COL22A1: variants seen among roughly 807,000 people sequenced by gnomAD.
COL22A1 encodes collagen alpha-1(XXII) chain.
COL22A1 carries 221 observed loss-of-function variants against 248.9 expected under a neutral mutation model. That is an observed-to-expected ratio of 0.89 (90% CI 0.80 to 0.99). COL22A1 has a LOEUF of 0.99. Among genes scored for constraint, COL22A1 ranks in the 50% least tolerant of loss-of-function variants. The probability of loss-of-function intolerance (pLI) is 0.00; values close to 1 mark genes in which losing one functional copy is unlikely to be tolerated. For missense variants in COL22A1, 2,240 were observed against 2,179.0 expected, an observed-to-expected ratio of 1.03 and a Z score of -0.56; for synonymous variants, 891 against 793.4, an observed-to-expected ratio of 1.12 and a Z score of -2.07.
intron 2 of COL22A1, among the ~76,000 whole-genome samples, chr8:138,879,357 C>T (rs1015398312): frequency 1.3e-5 from 2 of 152,118 alleles, no homozygotes; most frequent in African/African-American, 4.8e-5. Flanking sequence ...GTTTTCCAAT[C>T]TCTAGAATGC....
At chr8:138,813,068 C>A in intron 7 of COL22A1, 49 bp from the exon 8 acceptor site, 2 of 1,447,548 alleles carry the variant, frequency 1.4e-6, no homozygotes, top group Non-Finnish European at 1.9e-6. Context: ...ACTTTGGAAC[C>A]CAGAAACCTC....
rs1454754791 is a variant in COL22A1 at position 138,631,974 on chromosome 8, C to T, written c.3610-1226G>A. Among the ~76,000 whole-genome samples, 3 of 152,232 alleles carry T rather than the reference C, an allele frequency of 2.0e-5. No homozygotes were observed. The East Asian group carries it at 5.8e-4, about 29-fold the overall frequency. ...TGGGATATAGTAAATAATCAATATT[C>T]TTGAATAAATGAATGAATTAGAAGT... On this transcript the variant is annotated intron_variant, in intron 49 of 64. Coordinates refer to ENST00000303045, the MANE Select transcript of COL22A1 (RefSeq NM_152888.3).
At chr8:138,794,452 A>T (rs986115540) in intron 12 of COL22A1, among the ~76,000 whole-genome samples, 1 of 152,148 alleles carries the variant, frequency 6.6e-6, no homozygotes, top group Non-Finnish European at 1.5e-5. Context: ...CACTGTGGAA[A>T]ACAGTATGGT....
At chr8:138,690,608 G>A (rs539080587) in intron 36 of COL22A1, among the ~76,000 whole-genome samples, 164 of 152,260 alleles carry the variant, frequency 1.1e-3, no homozygotes, top group Middle Eastern at 0.01. Context: ...GCCAACAGCT[G>A]CGTTTACCCT....
At chr8:138,749,358 T>A (rs540476469) in intron 22 of COL22A1, among the ~76,000 whole-genome samples, 39 of 152,346 alleles carry the variant, frequency 2.6e-4, no homozygotes, top group Admixed American at 5.2e-4. Context: ...ATGTAGATTT[T>A]AAAAACCTTC....
intron 59 of COL22A1, among the ~76,000 whole-genome samples, chr8:138,602,784 C>T (rs896073112): frequency 5.9e-5 from 9 of 152,340 alleles, no homozygotes; most frequent in Middle Eastern, 3.4e-3. Flanking sequence ...ATTGTCTCCA[C>T]CTGGAATGTC....
rs184917149 is a variant in COL22A1 at position 138,755,032 on chromosome 8, A to G, written c.2031+125T>C. 3.2e-6 allele frequency: 3 copies of G among 925,004 alleles called. No homozygotes were observed. In the East Asian group the frequency reaches 7.3e-5, roughly 23 times the overall value. The allele number at this position is 925,004 out of a possible 1,614,324, so 57.3% of individuals were successfully genotyped here. ...AGACGTGACCACAACAGCACAACCC[A>G]CTCAGGTGATGTGAAGGCGCTTGAG... is the stretch of plus-strand genomic sequence containing the variant. On this transcript the variant is annotated intron_variant, in intron 21 of 64. Transcript: ENST00000303045.
intron 44 of COL22A1, 147 bp from the exon 45 acceptor site, chr8:138,656,091 T>C (rs1587781084): frequency 4.5e-6 from 3 of 663,226 alleles, no homozygotes; most frequent in South Asian, 1.8e-5. Flanking sequence ...CCAGTGGATG[T>C]CCCAAGCCTG....
intron 5 of COL22A1, among the ~76,000 whole-genome samples, chr8:138,831,080 T>A (rs1205956350): frequency 6.6e-6 from 1 of 152,166 alleles, no homozygotes; most frequent in Non-Finnish European, 1.5e-5. Flanking sequence ...CATTTCTTCT[T>A]CTGTAGAATC....
chr8:138,634,016 T>C lies in COL22A1; in HGVS notation c.3609+994A>G, dbSNP rs148805741. The stretch of plus-strand genomic sequence containing the variant: ...TCTGGGAAACTGAATAGTGCTTTTG[T>C]AGATAATTTACCTTTTTGTGAGTTT... On this transcript the variant is annotated intron_variant, in intron 49 of 64. Coordinates refer to ENST00000303045, the MANE Select transcript of COL22A1 (RefSeq NM_152888.3). 1.9e-3 allele frequency among the ~76,000 whole-genome samples: 290 copies of C among 152,324 alleles called. 3 individuals carry two copies. The East Asian group carries it at 0.045, about 24-fold the overall frequency.
chr8:138,681,236 A>T (rs1451826949), intron 39 of COL22A1, among the ~76,000 whole-genome samples: 1 of 152,214 alleles, frequency 6.6e-6, no homozygotes, highest in Admixed American at 6.5e-5. Flanking sequence ...TGTGACCGGC[A>T]CTATGCTAGG....
At chr8:138,744,514 C>T (rs1484676117) in intron 22 of COL22A1, among the ~76,000 whole-genome samples, 1 of 151,988 alleles carries the variant, frequency 6.6e-6, no homozygotes, top group Non-Finnish European at 1.5e-5. Flanking sequence ...CTCATACTCA[C>T]AATATTGAAG....
intron 49 of COL22A1, among the ~76,000 whole-genome samples, chr8:138,632,460 A>ACAACAAGG (rs1490979725): frequency 1.3e-5 from 2 of 152,228 alleles, no homozygotes; most frequent in East Asian, 1.9e-4. Context: ...TTGTCCACCC[A>ACAACAAGG]CAACAAGGAA....
chr8:138,771,635 C>G (rs1035899801), intron 16 of COL22A1, among the ~76,000 whole-genome samples: 1 of 151,158 alleles, frequency 6.6e-6, no homozygotes, highest in Non-Finnish European at 1.5e-5. Flanking sequence ...TTGGCAAGAA[C>G]AAAACAGTGC....
At position 138,811,883 on chromosome 8, in the gene COL22A1, G is replaced by T. The variant is rs769749950; in HGVS notation, c.1365C>A (p.Pro455=). The change falls in exon 9 of 65, where the codon CCC becomes CCA. Residue 455 remains proline (P), a synonymous_variant. Transcript: ENST00000303045. The part of the protein sequence containing the change: ...VTVVTEPPPP[P]PPQRPPTPGS... ...CTGGGGTGGGAGGCCGCTGGGGTGG[G>T]GGTGGAGGTGGAGGCTCTGTCACCA... The T allele has an allele frequency of 5.7e-6, 9 of 1,568,880 alleles. No homozygotes were observed. The highest frequency in any genetic ancestry group is 7.8e-6 in the Non-Finnish European group (9 of 1,157,646).
intron 9 of COL22A1, among the ~76,000 whole-genome samples, chr8:138,808,407 T>G (rs1355283709): frequency 6.6e-6 from 1 of 152,214 alleles, no homozygotes; most frequent in African/African-American, 2.4e-5. Flanking sequence ...CACTAGCTAT[T>G]TTTACCTGAA....
chr8:138,664,298 G>A (rs1404217184), intron 41 of COL22A1, among the ~76,000 whole-genome samples: 1 of 150,264 alleles, frequency 6.7e-6, no homozygotes, highest in Non-Finnish European at 1.5e-5. Context: ...CCTCCACTGT[G>A]CCCAGTTCTT....
intron 36 of COL22A1, among the ~76,000 whole-genome samples, 188 bp from the exon 37 acceptor site, chr8:138,689,158 C>CA (rs760907986): frequency 6.3e-5 from 9 of 143,852 alleles, no homozygotes; most frequent in African/African-American, 1.9e-4. Context: ...GCTGCTCTCC[C>CA]GGGGGGGGGG....
chr8:138,627,705 T>C (rs1003277405), intron 50 of COL22A1, among the ~76,000 whole-genome samples: 1 of 152,184 alleles, frequency 6.6e-6, no homozygotes, highest in Admixed American at 6.5e-5. Flanking sequence ...AACCCAGGCC[T>C]GGTCACAACA....
Sources: allele counts gnomAD v4.1 joint callset (sites outside exome capture counted in the v4.1 genomes callset), GRCh38; gene constraint gnomAD v4.1.1; transcripts MANE v1.5; gene names NCBI Gene and HGNC (gene_info 2026-07-23, HGNC 2026-07-21).